Variants in SLC8A1 observed in about 807,000 individuals in gnomAD.
SLC8A1 encodes sodium/calcium exchanger 1.
SLC8A1 carries 18 observed loss-of-function variants against 68.3 expected under a neutral mutation model. The observed-to-expected ratio is 0.26, with a 90% CI of 0.18 to 0.39. SLC8A1 has a LOEUF of 0.39. SLC8A1 is among the 10% of genes least tolerant of loss of function. The probability of loss-of-function intolerance (pLI) is 1.00; values close to 1 mark genes in which losing one functional copy is unlikely to be tolerated. For synonymous variants in SLC8A1, 475 were observed against 415.5 expected (o/e 1.14, Z -1.74); for missense variants, 985 against 1,156.7 (o/e 0.85, Z 2.15).
At chr2:40,214,646 G>A (rs181734641) in intron 2 of SLC8A1, among the ~76,000 whole-genome samples, 61 of 151,206 alleles carry the variant, frequency 4.0e-4, no homozygotes, top group Non-Finnish European at 6.8e-4. Context: ...ACGGGGTTTC[G>A]CCAGGCTGGT....
chr2:40,406,614 A>G (rs1690428924), intron 2 of SLC8A1, among the ~76,000 whole-genome samples: 1 of 152,112 alleles, frequency 6.6e-6, no homozygotes, highest in South Asian at 2.1e-4. Context: ...ATATCTTCCC[A>G]GGTGGACTGA....
intron 5 of SLC8A1, among the ~76,000 whole-genome samples, chr2:40,162,921 C>T (rs544570713): frequency 6.6e-6 from 1 of 152,200 alleles, no homozygotes; most frequent in East Asian, 1.9e-4. Context: ...TGGTACAGTT[C>T]TGGGAGCTCT....
chr2:40,332,369 A>G (rs1285554358), intron 2 of SLC8A1, among the ~76,000 whole-genome samples: 1 of 145,450 alleles, frequency 6.9e-6, no homozygotes, highest in Non-Finnish European at 1.5e-5. Context: ...TTACTTCACT[A>G]CATAATTCAA....
intron 2 of SLC8A1, among the ~76,000 whole-genome samples, chr2:40,398,984 T>C (rs1393609560): frequency 2.0e-5 from 3 of 152,160 alleles, no homozygotes; most frequent in Non-Finnish European, 4.4e-5. Flanking sequence ...TTTTGAAAAA[T>C]GACTTTTAAA....
At chr2:40,211,414 A>C (rs1313480072) in intron 2 of SLC8A1, among the ~76,000 whole-genome samples, 1 of 152,224 alleles carries the variant, frequency 6.6e-6, no homozygotes. Context: ...AGTTTACAAA[A>C]ATGATTAGAG....
chr2:40,173,208 T>A (rs994486862), intron 4 of SLC8A1, among the ~76,000 whole-genome samples: 1 of 152,164 alleles, frequency 6.6e-6, no homozygotes, highest in Non-Finnish European at 1.5e-5. Flanking sequence ...AACTCATTTA[T>A]CCTTGGGTGA....
At chr2:40,473,014 G>C (rs942816850) in intron 1 of SLC8A1, among the ~76,000 whole-genome samples, 15 of 151,102 alleles carry the variant, frequency 9.9e-5, no homozygotes, top group African/African-American at 3.4e-4. Flanking sequence ...TGGAAGTCAG[G>C]AGGGTAACCT....
intron 2 of SLC8A1, among the ~76,000 whole-genome samples, chr2:40,358,942 T>A (rs1377786690): frequency 6.6e-6 from 1 of 152,006 alleles, no homozygotes; most frequent in Non-Finnish European, 1.5e-5. Context: ...GCTTTGTACC[T>A]GAGAGGAAAA....
chr2:40,213,624 C>T (rs1369079780), intron 2 of SLC8A1: 1 of 152,250 alleles, frequency 6.6e-6, no homozygotes, highest in African/African-American at 2.4e-5. Flanking sequence ...TAACACCAAC[C>T]AGCCCAGCAT....
At chr2:40,380,513 C>T (rs150771977) in intron 2 of SLC8A1, among the ~76,000 whole-genome samples, 17 of 152,084 alleles carry the variant, frequency 1.1e-4, no homozygotes, top group African/African-American at 2.9e-4. Context: ...GACTATGAGA[C>T]AGATGCAAAA....
At chr2:40,387,262 G>A (rs1318505212) in intron 2 of SLC8A1, among the ~76,000 whole-genome samples, 4 of 151,276 alleles carry the variant, frequency 2.6e-5, no homozygotes, top group South Asian at 2.1e-4. Context: ...CTTCTCTCTA[G>A]AGAAATGCTG....
chr2:40,382,212 G>A (rs1440932865), intron 2 of SLC8A1, among the ~76,000 whole-genome samples: 1 of 152,070 alleles, frequency 6.6e-6, no homozygotes, highest in Admixed American at 6.6e-5. Flanking sequence ...TTAATGACCT[G>A]CCACAGAGTC....
intron 5 of SLC8A1, 81 bp downstream of exon 8, chr2:40,164,773 T>C: frequency 6.5e-7 from 1 of 1,550,328 alleles, no homozygotes; most frequent in Non-Finnish European, 8.8e-7. Context: ...TCCAGGTGGA[T>C]CTTAAGCTTT....
intron 2 of SLC8A1, among the ~76,000 whole-genome samples, chr2:40,418,746 A>G (rs1694622606): frequency 6.6e-6 from 1 of 152,204 alleles, no homozygotes; most frequent in African/African-American, 2.4e-5. Flanking sequence ...AAAACGAATC[A>G]GATTTGAGTT....
chr2:40,254,250 TGGGG>T (rs1209054539), intron 2 of SLC8A1, among the ~76,000 whole-genome samples: 5 of 152,272 alleles, frequency 3.3e-5, no homozygotes, highest in Admixed American at 6.5e-5. Flanking sequence ...GAAATGAGAT[TGGGG>T]TCTTAAGTAA....
At chr2:40,253,600 C>T (rs968883173) in intron 2 of SLC8A1, among the ~76,000 whole-genome samples, 4 of 151,816 alleles carry the variant, frequency 2.6e-5, no homozygotes, top group East Asian at 3.9e-4. Context: ...CCGAGGCAGG[C>T]GGATCACCTG....
intron 2 of SLC8A1, among the ~76,000 whole-genome samples, chr2:40,264,222 A>C (rs2065067916): frequency 6.6e-6 from 1 of 151,194 alleles, no homozygotes; most frequent in African/African-American, 2.4e-5. Flanking sequence ...GAGGATGTGG[A>C]GAAATAGGAA....
intron 2 of SLC8A1, among the ~76,000 whole-genome samples, chr2:40,317,468 T>C (rs898654275): frequency 2.6e-5 from 4 of 152,112 alleles, no homozygotes; most frequent in Admixed American, 1.3e-4. Context: ...GCAAGTTTTA[T>C]TAGAGAAAAC....
chr2:40,310,439 G>A (rs1345234076), intron 2 of SLC8A1, among the ~76,000 whole-genome samples: 3 of 152,144 alleles, frequency 2.0e-5, no homozygotes, highest in Admixed American at 6.6e-5. Flanking sequence ...CTGAGTCCTG[G>A]GTCAGGACAG....
Sources: gnomAD v4.1 joint callset for allele counts (sites outside exome capture counted in the v4.1 genomes callset) on GRCh38, gnomAD v4.1.1 for gene constraint, MANE v1.5 for transcripts, NCBI Gene and HGNC (gene_info 2026-07-23, HGNC 2026-07-21) for gene names.